GMNC: variants seen among roughly 807,000 people sequenced by gnomAD.
The protein encoded by GMNC is geminin coiled-coil domain-containing protein 1.
GMNC carries 16 observed loss-of-function variants against 33.6 expected under a neutral mutation model. The observed-to-expected ratio is 0.48, with a 90% CI of 0.32 to 0.72. The LOEUF (loss-of-function observed/expected upper bound fraction) is 0.72. Among genes scored for constraint, GMNC ranks in the 30% least tolerant of loss-of-function variants. GMNC has a pLI of 0.03. For missense variants in GMNC, 393 were observed against 388.9 expected (o/e 1.01, Z -0.09); for synonymous variants, 156 against 147.3 (o/e 1.06, Z -0.43).
At chr3:190,846,223 A>C in the GMNC span, among the ~76,000 whole-genome samples, 1 of 151,154 alleles carries the variant, frequency 6.6e-6, no homozygotes, top group African/African-American at 2.4e-5. Flanking sequence ...GTGAGACCAC[A>C]TCTCAACAAA....
chr3:190,855,724 T>A lies in GMNC; in HGVS notation c.576A>T (p.Thr192=). 1 of 1,551,466 alleles carries A rather than the reference T, an allele frequency of 6.4e-7. No individual in the cohort carries two copies. Among genetic ancestry groups the A allele is most frequent in the Non-Finnish European group, 8.7e-7 (1 of 1,146,814 alleles). The change falls in exon 5 of 5, where the codon ACA becomes ACT. Residue 192 remains threonine, a synonymous_variant. Transcript: ENST00000442080. Reference sequence around the variant, plus strand: ...TAGTGTCAAGGTCTTTTAACCCAAGTGTTTGAAGGACCCAGGGATCCACAG... The same window carrying A: ...TAGTGTCAAGGTCTTTTAACCCAAGAGTTTGAAGGACCCAGGGATCCACAG... The part of the protein sequence containing the change: ...GPPVDPWVLQ[T]LGLKDLDTID...
At chr3:190,858,020 C>G in intron 3 of GMNC, 121 bp from the exon 4 acceptor site, 1 of 654,748 alleles carries the variant, frequency 1.5e-6, no homozygotes. Flanking sequence ...AACACAAGCA[C>G]AGGGAGCCCT....
downstream of GMNC, among the ~76,000 whole-genome samples, chr3:190,849,114 AT>A (rs1737594032): frequency 6.6e-6 from 1 of 152,192 alleles, no homozygotes; most frequent in South Asian, 2.1e-4. Context: ...ATCCCTTATC[AT>A]TTCAAAAGGA....
Position 190,862,420 on chromosome 3 carries a change from A to AAGAGAG in GMNC, c.3+187_3+192dup, listed in dbSNP as rs113249463. Among the ~76,000 whole-genome samples the AAGAGAG allele has an allele frequency of 4.1e-5, 6 of 147,820 alleles. No individual in the cohort carries two copies. Among genetic ancestry groups the AAGAGAG allele is most frequent in the Admixed American group, 6.7e-5 (1 of 14,858 alleles). ...GAAAGAAGAGGGAGAGAGGGAGAGA[A>AAGAGAG]AGAGAGAGAGAGAGAGAGAAAGCAG... is the stretch of plus-strand genomic sequence containing the variant. On this transcript the variant is annotated intron_variant, in intron 1 of 4. Transcript: ENST00000442080. This position sits in a 1 kb window ranked among gnomAD's most constrained non-coding sequence, Gnocchi z 4.5.
Position 190,854,820 on chromosome 3 carries a change from C to G in GMNC, c.*475G>C, listed in dbSNP as rs937060698. 12 of 180,736 alleles carry G rather than the reference C, an allele frequency of 6.6e-5. No homozygotes were observed. The South Asian group carries it at 1.4e-3, about 21-fold the overall frequency. 11.2% of individuals were successfully genotyped at this position (180,736 alleles called of 1,614,324 possible). A position where few individuals can be genotyped will look rare whatever the true frequency, so the allele number is the denominator to read the frequency against. ...GGCAAAGACACTTGTTTCAACCCCA[C>G]CCTCAGCTATTTGAACATGCAGTAG... On this transcript the variant is annotated 3_prime_UTR_variant, in exon 5 of 5. Coordinates refer to ENST00000442080, the MANE Select transcript of GMNC (RefSeq NM_001146686.3).
At chr3:190,846,848 G>C in the GMNC span, among the ~76,000 whole-genome samples, 176 of 152,186 alleles carry the variant, frequency 1.2e-3, 1 homozygote, top group African/African-American at 3.8e-3. Flanking sequence ...TTTCTATTTT[G>C]AGGTAAACAT....
At chr3:190,845,862 A>G in the GMNC span, among the ~76,000 whole-genome samples, 9 of 152,198 alleles carry the variant, frequency 5.9e-5, no homozygotes, top group African/African-American at 1.7e-4. Flanking sequence ...GTTTCAGGAA[A>G]TAAGCAGTGA....
rs1396879365 is a variant in GMNC at position 190,861,622 on chromosome 3, G to A, written c.4-764C>T. On this transcript the variant is annotated intron_variant, in intron 1 of 4. Transcript: ENST00000442080. The surrounding 1 kb of genome is among the most constrained non-coding windows in gnomAD (Gnocchi z 5.1). ...TGAAAGAAGTTCGTTAGCAAAGACAGCAAGCTCTAGTTCTGTCCATCACTA... is the reference window on the plus strand; with the variant it reads ...TGAAAGAAGTTCGTTAGCAAAGACAACAAGCTCTAGTTCTGTCCATCACTA... Among the ~76,000 whole-genome samples the A allele has an allele frequency of 6.6e-6, 1 of 152,186 alleles. No homozygotes were observed. The highest frequency in any genetic ancestry group is 1.5e-5 in the Non-Finnish European group (1 of 68,038).
At position 190,855,765 on chromosome 3, in the gene GMNC, C is replaced by T; in HGVS notation, c.535G>A (p.Glu179Lys). 1 of 1,551,466 alleles carries T rather than the reference C, an allele frequency of 6.4e-7. No individual in the cohort carries two copies. The highest frequency in any genetic ancestry group is 8.7e-7 in the Non-Finnish European group (1 of 1,146,882). ...GGATCCACAGGGGGCCCAGCTTGTT[C>T]TTCACAGTTAGCAAATTCACTAGAG... ...NLSSEFANCE[E>K]QAGPPVDPWV... The change falls in exon 5 of 5, where the codon GAA becomes AAA. Residue 179 changes from glutamate (E) to lysine (K), a missense_variant. By Grantham distance (56) the Glu-to-Lys change is moderately conservative (BLOSUM62 1). Coordinates refer to ENST00000442080, the MANE Select transcript of GMNC (RefSeq NM_001146686.3).
chr3:190,854,841 A>G lies in GMNC; in HGVS notation c.*454T>C, dbSNP rs949935922. ...CCCACCCTCAGCTATTTGAACATGCAGTAGCAAGTACTTGAAGCAAAAATA... is the reference window on the plus strand; with the variant it reads ...CCCACCCTCAGCTATTTGAACATGCGGTAGCAAGTACTTGAAGCAAAAATA... On this transcript the variant is annotated 3_prime_UTR_variant, in exon 5 of 5. Transcript: ENST00000442080. The G allele has an allele frequency of 1.8e-4, 33 of 188,228 alleles. No individual in the cohort carries two copies. The highest frequency in any genetic ancestry group is 7.8e-4 in the African/African-American group (33 of 42,404). 11.7% of individuals were successfully genotyped at this position (188,228 alleles called of 1,614,324 possible).
chr3:190,851,002 A>G (rs1737625316), downstream of GMNC, among the ~76,000 whole-genome samples: 2 of 152,204 alleles, frequency 1.3e-5, no homozygotes, highest in Non-Finnish European at 2.9e-5. Flanking sequence ...AAAACTAAAT[A>G]AAATCCAGGT....
intron 2 of GMNC, 38 bp from the exon 3 acceptor site, chr3:190,859,054 T>A (rs1483329460): frequency 1.6e-6 from 2 of 1,223,578 alleles, no homozygotes; most frequent in Non-Finnish European, 2.3e-6. Context: ...AAAATAATCT[T>A]GTAGTTTCTG....
In GMNC at chr3:190,856,431, A is replaced by G. The variant is rs916002224; in HGVS notation, c.385-516T>C. 8.3e-5 allele frequency among the ~76,000 whole-genome samples: 12 copies of G among 144,816 alleles called. 1 individual carries two copies. Among genetic ancestry groups the G allele is most frequent in the African/African-American group, 3.0e-4 (12 of 39,898 alleles). On this transcript the variant is annotated intron_variant, in intron 4 of 4. Transcript: ENST00000442080. ...TAAATATATTAATAAATATTAATTT[A>G]TATAAGTAAATATTCATAAATTTAT...
rs1041600209 is a variant in GMNC at position 190,854,865 on chromosome 3, T to C, written c.*430A>G. The C allele has an allele frequency of 2.1e-5, 4 of 188,394 alleles. No individual in the cohort carries two copies. Among genetic ancestry groups the C allele is most frequent in the African/African-American group, 7.1e-5 (3 of 42,280 alleles). 11.7% of individuals were successfully genotyped at this position (188,394 alleles called of 1,614,324 possible). On this transcript the variant is annotated 3_prime_UTR_variant, in exon 5 of 5. Transcript: ENST00000442080. ...CAGTAGCAAGTACTTGAAGCAAAAA[T>C]AGGGCTCATTCTAAAGACAGTTTTC...
At chr3:190,852,446 C>T (rs1033763978), downstream of GMNC, among the ~76,000 whole-genome samples, 1 of 151,956 alleles carries the variant, frequency 6.6e-6, no homozygotes, top group South Asian at 2.1e-4. Flanking sequence ...ACCTTTTTTT[C>T]CAGATACGAG....
At chr3:190,847,087 A>G in the GMNC span, among the ~76,000 whole-genome samples, 1 of 152,202 alleles carries the variant, frequency 6.6e-6, no homozygotes, top group South Asian at 2.1e-4. Flanking sequence ...AGTTTAGTCT[A>G]TTCTTACTCA....
In GMNC at chr3:190,855,438, G is replaced by C; in HGVS notation, c.862C>G (p.Pro288Ala). 2 of 1,552,094 alleles carry C rather than the reference G, an allele frequency of 1.3e-6. No individual in the cohort carries two copies. The highest frequency in any genetic ancestry group is 1.7e-6 in the Non-Finnish European group (2 of 1,147,032). The change falls in exon 5 of 5, where the codon CCC (proline) becomes GCC (alanine). Residue 288 changes from proline (P) to alanine (A), a missense_variant. Physicochemically the swap from Pro to Ala is conservative, Grantham distance 27 (BLOSUM62 -1). Transcript: ENST00000442080. ...TLPYYTAHVS[P>A]NKTEMAFSTS... ...GAAAATGCCATCTCTGTCTTGTTGG[G>C]TGACACATGAGCAGTATAGTAAGGA...
At chr3:190,849,286 A>G (rs1336304314), downstream of GMNC, among the ~76,000 whole-genome samples, 4 of 152,002 alleles carry the variant, frequency 2.6e-5, no homozygotes, top group Non-Finnish European at 1.5e-5. Context: ...CCTGGGGTGC[A>G]CACACGGCTC....
chr3:190,855,835 G>A lies in GMNC; in HGVS notation c.465C>T (p.Tyr155=). 1.9e-6 allele frequency: 3 copies of A among 1,550,986 alleles called. No homozygotes were observed. Among genetic ancestry groups the A allele is most frequent in the Non-Finnish European group, 2.6e-6 (3 of 1,146,430 alleles). Residue 155 remains tyrosine, a synonymous_variant, in exon 5 of 5, where the codon TAC becomes TAT. Coordinates refer to ENST00000442080, the MANE Select transcript of GMNC (RefSeq NM_001146686.3). The part of the protein sequence containing the change: ...KGKRKSKEQR[Y]SPAEIPHPKN... Reference sequence around the variant, plus strand: ...TGGGATGGGGAATCTCAGCAGGAGAGTATCTTTGCTCTTTGGATTTTCTCT... The same window carrying A: ...TGGGATGGGGAATCTCAGCAGGAGAATATCTTTGCTCTTTGGATTTTCTCT...
Sources: gnomAD v4.1 joint callset for allele counts (sites outside exome capture counted in the v4.1 genomes callset) on GRCh38, gnomAD v4.1.1 for gene constraint, Gnocchi (gnomAD v3.1) non-coding constraint, MANE v1.5 for transcripts, NCBI Gene and HGNC (gene_info 2026-07-23, HGNC 2026-07-21) for gene names.